The following SLC6A11 variants were observed in gnomAD, a reference collection of about 807,000 sequenced individuals.
The protein encoded by SLC6A11 is sodium- and chloride-dependent GABA transporter 3.
A neutral mutation model predicts 74.8 loss-of-function variants in SLC6A11; 25 were observed. The ratio of observed to expected loss-of-function variants is 0.33; its 90% CI spans 0.24 to 0.47. The LOEUF (loss-of-function observed/expected upper bound fraction) is 0.47. Among genes scored for constraint, SLC6A11 ranks in the 20% least tolerant of loss-of-function variants. The probability of loss-of-function intolerance (pLI) is 1.00; values close to 1 mark genes in which losing one functional copy is unlikely to be tolerated. For synonymous variants in SLC6A11, 330 were observed against 330.2 expected (o/e 1.00, Z 0.01); for missense variants, 574 against 837.0 (o/e 0.69, Z 3.88).
At chr3:10,900,599 T>A (rs1045513604) in intron 6 of SLC6A11, among the ~76,000 whole-genome samples, 1 of 152,230 alleles carries the variant, frequency 6.6e-6, no homozygotes, top group East Asian at 1.9e-4. Flanking sequence ...GAAGTTTAGC[T>A]CCCTTTTGGC....
chr3:10,839,304 G>A (rs982199639), intron 4 of SLC6A11, among the ~76,000 whole-genome samples: 5 of 152,268 alleles, frequency 3.3e-5, no homozygotes, highest in African/African-American at 7.2e-5. Flanking sequence ...AAGGAGCCAC[G>A]TGACTCATGG....
chr3:10,917,922 C>T (rs879581260), intron 7 of SLC6A11, among the ~76,000 whole-genome samples: 1 of 152,220 alleles, frequency 6.6e-6, no homozygotes, highest in Admixed American at 6.5e-5. Flanking sequence ...GAGAAGCCCC[C>T]ATTTCTCCCA....
At chr3:10,829,148 T>C (rs915840616) in intron 4 of SLC6A11, among the ~76,000 whole-genome samples, 1 of 152,248 alleles carries the variant, frequency 6.6e-6, no homozygotes, top group African/African-American at 2.4e-5. Context: ...AAGGTTTTAA[T>C]GTGTAAGAAG....
chr3:10,865,546 C>T (rs1002706871), intron 5 of SLC6A11, among the ~76,000 whole-genome samples: 2 of 152,162 alleles, frequency 1.3e-5, no homozygotes, highest in African/African-American at 4.8e-5. Context: ...ACCTGTAGTC[C>T]CAGCTACTTG....
intron 5 of SLC6A11, among the ~76,000 whole-genome samples, chr3:10,846,309 A>G (rs750149877): frequency 8.5e-5 from 13 of 152,194 alleles, no homozygotes; most frequent in Non-Finnish European, 1.9e-4. Flanking sequence ...AACTGTGAAG[A>G]GAAGGGAGGA....
In SLC6A11 at chr3:10,816,342, G is replaced by A; in HGVS notation, c.77G>A (p.Gly26Asp). Residue 26 changes from glycine (G) to aspartate (D), a missense_variant, in exon 1 of 14, where the codon GGC (glycine) becomes GAC (aspartate). Gly to Asp is a moderately conservative substitution (Grantham distance 94, BLOSUM62 -1). Transcript: ENST00000254488. The surrounding 1 kb of genome is among the most constrained non-coding windows in gnomAD (Gnocchi z 4.2). ...EEARESEAPG[G>D]GCSSGGAAPA... is the part of the protein sequence containing the mutation. Reference sequence around the variant, plus strand: ...GCGCGGGAGTCCGAGGCGCCGGGTGGCGGCTGCAGCAGCGGGGGCGCGGCG... The same window carrying A: ...GCGCGGGAGTCCGAGGCGCCGGGTGACGGCTGCAGCAGCGGGGGCGCGGCG... 1 of 1,424,188 alleles carries A rather than the reference G, an allele frequency of 7.0e-7. No individual in the cohort carries two copies. Among genetic ancestry groups the A allele is most frequent in the South Asian group, 1.5e-5 (1 of 64,756 alleles). The allele number at this position is 1,424,188 out of a possible 1,614,324, so 88.2% of individuals were successfully genotyped here.
intron 6 of SLC6A11, among the ~76,000 whole-genome samples, chr3:10,878,341 A>G (rs1344622858): frequency 1.3e-5 from 2 of 150,256 alleles, no homozygotes; most frequent in African/African-American, 4.9e-5. Context: ...TCTGCTGGAA[A>G]CACTCCTTCT....
chr3:10,921,513 A>T (rs549678398), intron 8 of SLC6A11, among the ~76,000 whole-genome samples: 1 of 152,346 alleles, frequency 6.6e-6, no homozygotes, highest in African/African-American at 2.4e-5. Context: ...ATTGAAAATT[A>T]AAAATATTTA....
intron 5 of SLC6A11, among the ~76,000 whole-genome samples, chr3:10,846,608 C>T (rs1161744285): frequency 6.6e-6 from 1 of 152,106 alleles, no homozygotes; most frequent in African/African-American, 2.4e-5. Flanking sequence ...TAAGTCTGAG[C>T]GTTGGAGAAT....
At chr3:10,887,187 A>G (rs547690046) in intron 6 of SLC6A11, among the ~76,000 whole-genome samples, 12 of 152,090 alleles carry the variant, frequency 7.9e-5, no homozygotes, top group African/African-American at 2.9e-4. Context: ...AGGTGGACAG[A>G]TGGATAGATG....
chr3:10,825,155 C>A (rs1023561222), intron 4 of SLC6A11: 1 of 139,250 alleles, frequency 7.2e-6, no homozygotes, highest in African/African-American at 2.8e-5. Context: ...TGCACTCCAG[C>A]CTGGGTGACA....
At chr3:10,865,318 C>T (rs2106597304) in intron 5 of SLC6A11, among the ~76,000 whole-genome samples, 1 of 152,336 alleles carries the variant, frequency 6.6e-6, no homozygotes, top group East Asian at 1.9e-4. Context: ...TGATGGGGCC[C>T]ATGCCAAATT....
intron 9 of SLC6A11, among the ~76,000 whole-genome samples, chr3:10,928,459 G>C (rs78535188): frequency 6.6e-6 from 1 of 152,194 alleles, no homozygotes; most frequent in Non-Finnish European, 1.5e-5. Flanking sequence ...TAAGAACCAG[G>C]TGAGGGGGTG....
chr3:10,904,918 G>C (rs1419716122), intron 6 of SLC6A11, among the ~76,000 whole-genome samples: 1 of 152,176 alleles, frequency 6.6e-6, no homozygotes, highest in Non-Finnish European at 1.5e-5. Context: ...AAGATCATTA[G>C]CAAATTATGA....
At chr3:10,834,774 C>T (rs945867043) in intron 4 of SLC6A11, among the ~76,000 whole-genome samples, 8 of 152,218 alleles carry the variant, frequency 5.3e-5, no homozygotes, top group African/African-American at 1.4e-4. Flanking sequence ...TGCCGAAGCT[C>T]GAGTTTCCTC....
At chr3:10,919,062 T>G (rs1695498931) in intron 8 of SLC6A11, among the ~76,000 whole-genome samples, 1 of 152,086 alleles carries the variant, frequency 6.6e-6, no homozygotes, top group Non-Finnish European at 1.5e-5. Context: ...CCTTTGCACA[T>G]GCTTCCCCTT....
chr3:10,932,239 A>G lies in SLC6A11; in HGVS notation c.1372-912A>G, dbSNP rs76921772. ...ACATTCTAGGACATCACTAAACTCA[A>G]TCATCATGGATTTGTATGCTACAGA... On this transcript the variant is annotated intron_variant, in intron 10 of 13. Coordinates refer to ENST00000254488, the MANE Select transcript of SLC6A11 (RefSeq NM_014229.3). Among the ~76,000 whole-genome samples, 1,122 of 152,060 alleles carry G rather than the reference A, an allele frequency of 7.4e-3. 1 individual carries two copies. Among genetic ancestry groups the G allele is most frequent in the Non-Finnish European group, 0.013 (879 of 67,976 alleles).
intron 5 of SLC6A11, among the ~76,000 whole-genome samples, chr3:10,852,984 C>T (rs951454613): frequency 5.9e-5 from 9 of 152,300 alleles, no homozygotes; most frequent in African/African-American, 1.7e-4. Flanking sequence ...AGCCCTGCCC[C>T]GCCACTTGCC....
Position 10,831,727 on chromosome 3 carries a change from G to A in SLC6A11, c.623+8335G>A, listed in dbSNP as rs966173310. ...TCATAATTTAAAAAATAGGAGCCAC[G>A]GGGTTAGTGAATAAGCTGTTACGTG... On this transcript the variant is annotated intron_variant, in intron 4 of 13. Coordinates refer to ENST00000254488, the MANE Select transcript of SLC6A11 (RefSeq NM_014229.3). Among the ~76,000 whole-genome samples, 5 of 152,182 alleles carry A rather than the reference G, an allele frequency of 3.3e-5. 1 individual carries two copies. Among genetic ancestry groups the A allele is most frequent in the East Asian group, 1.9e-4 (1 of 5,198 alleles).
Sources: allele counts gnomAD v4.1 joint callset (sites outside exome capture counted in the v4.1 genomes callset), GRCh38; gene constraint gnomAD v4.1.1; non-coding constraint Gnocchi (gnomAD v3.1); transcripts MANE v1.5; gene names NCBI Gene and HGNC (gene_info 2026-07-23, HGNC 2026-07-21).